The following MEIG1 variants were observed in gnomAD, a reference collection of about 807,000 sequenced individuals.
The protein encoded by MEIG1 is meiosis expressed gene 1 protein homolog.
MEIG1 carries 12 observed loss-of-function variants against 11.3 expected under a neutral mutation model. That is an observed-to-expected ratio of 1.07 (90% confidence interval 0.68 to 1.73). MEIG1 has a LOEUF of 1.73. MEIG1 is among the 40% of genes most tolerant of loss of function. The pLI, the probability that MEIG1 is intolerant of heterozygous loss-of-function variation, is 0.00. For synonymous variants in MEIG1, 41 were observed against 33.2 expected (o/e 1.24, Z -0.81); for missense variants, 119 against 104.9 (o/e 1.13, Z -0.59).
At chr10:14,982,112 T>G (rs908884070) in intron 1 of MEIG1, among the ~76,000 whole-genome samples, 1 of 152,204 alleles carries the variant, frequency 6.6e-6, no homozygotes, top group Non-Finnish European at 1.5e-5. Context: ...GTTATCGGGA[T>G]CGAGGGGAGT....
chr10:14,960,384 T>C (rs1842998436), intron 1 of MEIG1, among the ~76,000 whole-genome samples: 1 of 152,168 alleles, frequency 6.6e-6, no homozygotes, highest in Non-Finnish European at 1.5e-5. Flanking sequence ...CAACTTTAGA[T>C]TGTCAGGGAG....
At chr10:14,963,950 T>A (rs867491450) in intron 1 of MEIG1, among the ~76,000 whole-genome samples, 7 of 151,948 alleles carry the variant, frequency 4.6e-5, no homozygotes, top group Admixed American at 2.6e-4. Flanking sequence ...TACAAAAAAT[T>A]AGCTGGGCAT....
chr10:14,967,591 A>G (rs10737089), intron 2 of MEIG1, among the ~76,000 whole-genome samples: 96,769 of 150,144 alleles, frequency 0.64, 31,333 homozygotes, highest in Admixed American at 0.69. Context: ...TGCAACCTCC[A>G]CCTCCCGGGT....
At position 14,983,134 on chromosome 10, in the gene MEIG1, A is replaced by T. The variant is rs187166789; in HGVS notation, n.67-3662A>T. 2.0e-5 allele frequency among the ~76,000 whole-genome samples: 3 copies of T among 152,206 alleles called. No individual in the cohort carries two copies. In the East Asian group the frequency reaches 5.8e-4, roughly 29 times the overall value. The stretch of plus-strand genomic sequence containing the variant: ...TCAGGGAGGGAGAGAGCATGATATT[A>T]CGTTTAATATCGCAGTAGCTGTACA... On this transcript the variant is annotated intron_variant and non_coding_transcript_variant, in intron 1 of 2. Coordinates refer to the MEIG1 transcript ENST00000467536.
chr10:14,974,448 C>G (rs1970511), downstream of MEIG1, among the ~76,000 whole-genome samples: 124,402 of 151,944 alleles, frequency 0.82, 51,598 homozygotes, highest in African/African-American at 0.95. Context: ...GAGGTGAAGG[C>G]CTGGTACCCA....
intron 1 of MEIG1, among the ~76,000 whole-genome samples, chr10:14,960,383 A>G (rs900675221): frequency 1.3e-5 from 2 of 152,096 alleles, no homozygotes; most frequent in Admixed American, 1.3e-4. Context: ...CCAACTTTAG[A>G]TTGTCAGGGA....
At chr10:14,969,180 C>T (rs535092223) in intron 2 of MEIG1, among the ~76,000 whole-genome samples, 1 of 152,202 alleles carries the variant, frequency 6.6e-6, no homozygotes, top group African/African-American at 2.4e-5. Flanking sequence ...GCTGTGGTGG[C>T]TTACGCCTCT....
Position 14,972,692 on chromosome 10 carries a change from C to A in MEIG1, c.*51C>A. ...ATTATATTTTAAGTATTCATCATTT[C>A]CTTCTACATCATGTGTTTGTCATTT... On this transcript the variant is annotated 3_prime_UTR_variant, in exon 3 of 3. Coordinates refer to ENST00000407572, the MANE Select transcript of MEIG1 (RefSeq NM_001080836.3). 6.9e-7 allele frequency: 1 copy of A among 1,448,612 alleles called. No individual in the cohort carries two copies. Among genetic ancestry groups the A allele is most frequent in the South Asian group, 1.4e-5 (1 of 72,654 alleles). 89.7% of individuals were successfully genotyped at this position (1,448,612 alleles called of 1,614,324 possible). A position where few individuals can be genotyped will look rare whatever the true frequency, so the allele number is the denominator to read the frequency against.
At chr10:14,961,350 C>G (rs1843010194) in intron 1 of MEIG1, among the ~76,000 whole-genome samples, 1 of 152,214 alleles carries the variant, frequency 6.6e-6, no homozygotes, top group Admixed American at 6.5e-5. Flanking sequence ...TTGAACCATT[C>G]CACGGGACCA....
chr10:14,977,635 T>C (rs139085167), downstream of MEIG1, among the ~76,000 whole-genome samples: 1 of 152,024 alleles, frequency 6.6e-6, no homozygotes, highest in African/African-American at 2.4e-5. Flanking sequence ...TCAAGAGATA[T>C]AACTCCTAAT....
intron 1 of MEIG1, among the ~76,000 whole-genome samples, chr10:14,983,977 C>T (rs1843290101): frequency 6.6e-6 from 1 of 151,970 alleles, no homozygotes; most frequent in South Asian, 2.1e-4. Context: ...ATACTACACC[C>T]AATGCTGCTG....
intron 1 of MEIG1, among the ~76,000 whole-genome samples, chr10:14,983,463 G>A (rs1256214072): frequency 1.3e-5 from 2 of 151,994 alleles, no homozygotes; most frequent in African/African-American, 2.4e-5. Context: ...AGCAGGAGGT[G>A]TACACCCATC....
intron 2 of MEIG1, among the ~76,000 whole-genome samples, chr10:14,968,328 A>T (rs561058723): frequency 5.9e-5 from 9 of 152,140 alleles, no homozygotes; most frequent in Middle Eastern, 3.4e-3. Context: ...TCTCTACTAA[A>T]AATACAAAAA....
At chr10:14,963,468 A>ATT (rs1843039285) in intron 1 of MEIG1, among the ~76,000 whole-genome samples, 2 of 152,120 alleles carry the variant, frequency 1.3e-5, no homozygotes, top group South Asian at 4.1e-4. Context: ...AATGTTTCAT[A>ATT]TTATATATAT....
upstream of MEIG1, among the ~76,000 whole-genome samples, chr10:14,955,479 T>C (rs1228730431): frequency 6.6e-6 from 1 of 151,996 alleles, no homozygotes; most frequent in Non-Finnish European, 1.5e-5. Context: ...CTGAGGCAGG[T>C]GATCACCTGA....
At position 14,984,209 on chromosome 10, in the gene MEIG1, G is replaced by A. The variant is rs142990583; in HGVS notation, n.67-2587G>A. Among the ~76,000 whole-genome samples, 22 of 150,934 alleles carry A rather than the reference G, an allele frequency of 1.5e-4. No individual in the cohort carries two copies. The East Asian group carries it at 3.5e-3, about 24-fold the overall frequency. On this transcript the variant is annotated intron_variant and non_coding_transcript_variant, in intron 1 of 2. Coordinates refer to the MEIG1 transcript ENST00000467536. ...GTGCTATTACTCCCCGCATCGTGGG[G>A]GGAGCCCACCCCCCTGCGATGTGGA... is the stretch of plus-strand genomic sequence containing the variant.
chr10:14,975,226 G>C (rs771629123), downstream of MEIG1, among the ~76,000 whole-genome samples: 14 of 152,088 alleles, frequency 9.2e-5, no homozygotes, highest in Non-Finnish European at 1.6e-4. Context: ...TATCCGGAGG[G>C]GGAGAGGGTG....
chr10:14,956,792 G>T (rs967837933), upstream of MEIG1, among the ~76,000 whole-genome samples: 1 of 152,176 alleles, frequency 6.6e-6, no homozygotes, highest in East Asian at 1.9e-4. Flanking sequence ...GGCCCATCCT[G>T]GTGGCTCCTG....
At chr10:14,987,412 T>A in intron 2 of MEIG1, 1 of 735,656 alleles carries the variant, frequency 1.4e-6, no homozygotes. Context: ...GGAGGAGGAA[T>A]TCTCAGACAC....
Sources: allele counts gnomAD v4.1 joint callset (sites outside exome capture counted in the v4.1 genomes callset), GRCh38; gene constraint gnomAD v4.1.1; transcripts MANE v1.5; gene names NCBI Gene and HGNC (gene_info 2026-07-23, HGNC 2026-07-21).